COL4A2: variants seen among roughly 807,000 people sequenced by gnomAD.
The protein encoded by COL4A2 is collagen type IV alpha 2 chain.
Under a neutral mutation model 200.2 loss-of-function variants are expected in COL4A2, and 99 were observed. The ratio of observed to expected loss-of-function variants is 0.49; its 90% CI spans 0.42 to 0.58. The LOEUF is 0.58. COL4A2 is among the 20% of genes least tolerant of loss of function. The pLI, the probability that COL4A2 is intolerant of heterozygous loss-of-function variation, is 0.00. For missense variants in COL4A2, 1,950 were observed against 2,314.1 expected (o/e 0.84, Z 3.23); for synonymous variants, 897 against 900.6 (o/e 1.00, Z 0.07).
intron 4 of COL4A2, among the ~76,000 whole-genome samples, chr13:110,414,076 G>A (rs921685509): frequency 9.2e-5 from 14 of 152,240 alleles, no homozygotes; most frequent in Non-Finnish European, 8.8e-5. Context: ...TTGGGAGGCT[G>A]AGGCAGGAGG....
At chr13:110,320,087 C>T (rs1885238441) in intron 3 of COL4A2, among the ~76,000 whole-genome samples, 1 of 152,246 alleles carries the variant, frequency 6.6e-6, no homozygotes, top group African/African-American at 2.4e-5. Flanking sequence ...GAGTTTTCAG[C>T]TGTCTGCCTT....
intron 12 of COL4A2, among the ~76,000 whole-genome samples, chr13:110,435,817 A>T (rs538003193): frequency 8.5e-5 from 13 of 152,212 alleles, no homozygotes; most frequent in Admixed American, 7.9e-4. Context: ...ATAGTTACTT[A>T]AGATTTTTTT....
At chr13:110,355,255 TAA>T (rs141255100) in intron 3 of COL4A2, among the ~76,000 whole-genome samples, 11,852 of 151,810 alleles carry the variant, frequency 0.078, 654 homozygotes, top group Non-Finnish European at 0.12. Flanking sequence ...AAAGCTAGAT[TAA>T]GATTCACCTG....
At chr13:110,414,024 A>G (rs1227891126) in intron 4 of COL4A2, among the ~76,000 whole-genome samples, 3 of 151,452 alleles carry the variant, frequency 2.0e-5, no homozygotes, top group South Asian at 2.1e-4. Flanking sequence ...GAAAACATCA[A>G]CTCCTGACTG....
chr13:110,357,503 G>A lies in COL4A2; in HGVS notation c.131G>A (p.Gly44Glu), dbSNP rs1260883965. Reference protein sequence around the residue: ...GVKKFDVPCGGRDCSGGCQCY... With the variant: ...GVKKFDVPCGERDCSGGCQCY... ...AAGAAGTTTGATGTGCCGTGTGGAG[G>A]AAGAGATTGCAGTGGGGGCTGCCAG... The change falls in exon 4 of 48, where the codon GGA becomes GAA. Residue 44 changes from glycine (G) to glutamate (E), a missense_variant. Transcript: ENST00000360467. The A allele has an allele frequency of 3.8e-6, 6 of 1,595,154 alleles. No homozygotes were observed. The highest frequency in any genetic ancestry group is 1.7e-5 in the Admixed American group (1 of 58,648).
intron 34 of COL4A2, among the ~76,000 whole-genome samples, chr13:110,486,245 C>T (rs1883115412): frequency 1.3e-5 from 2 of 152,232 alleles, no homozygotes; most frequent in Admixed American, 1.3e-4. Context: ...CCACCGTTCA[C>T]TCAGCCTTTG....
Position 110,351,432 on chromosome 13 carries a change from C to T in COL4A2, c.100-6040C>T, listed in dbSNP as rs549101352. ...CTCTACCCTGCTCCTCCCTTGCCGG[C>T]GTGGGTTTTGTCCCTAAGAACTGGT... On this transcript the variant is annotated intron_variant, in intron 3 of 47. Transcript: ENST00000360467. 2.0e-4 allele frequency among the ~76,000 whole-genome samples: 31 copies of T among 152,286 alleles called. No individual in the cohort carries two copies. The South Asian group carries it at 6.0e-3, about 30-fold the overall frequency.
chr13:110,475,027 C>T (rs545683717), intron 29 of COL4A2, among the ~76,000 whole-genome samples: 4 of 151,758 alleles, frequency 2.6e-5, no homozygotes, highest in African/African-American at 9.7e-5. Flanking sequence ...CACACACGTA[C>T]ATACCCACTC....
At chr13:110,488,338 A>C (rs1883174770) in intron 34 of COL4A2, among the ~76,000 whole-genome samples, 1 of 152,166 alleles carries the variant, frequency 6.6e-6, no homozygotes. Context: ...CTATATTAAT[A>C]CTGCAGCGAC....
chr13:110,425,590 C>T (rs1880440355), intron 6 of COL4A2, among the ~76,000 whole-genome samples: 1 of 152,240 alleles, frequency 6.6e-6, no homozygotes, highest in Non-Finnish European at 1.5e-5. Context: ...GGGTTGGCTT[C>T]CTGGCCAGAC....
intron 3 of COL4A2, 55 bp downstream of exon 3, chr13:110,308,178 T>G: frequency 6.2e-7 from 1 of 1,602,096 alleles, no homozygotes; most frequent in Non-Finnish European, 8.5e-7. Context: ...TTGGGACGTT[T>G]GAGTGGCCTT....
intron 18 of COL4A2, among the ~76,000 whole-genome samples, chr13:110,448,888 G>A (rs190123651): frequency 6.6e-6 from 1 of 152,352 alleles, no homozygotes; most frequent in East Asian, 1.9e-4. Context: ...TGAGTTCCTT[G>A]CCCAGGGTTG....
Position 110,466,154 on chromosome 13 carries a change from TA to T in COL4A2, c.2038+93del, listed in dbSNP as rs1262294948. The T allele has an allele frequency of 2.1e-6, 3 of 1,437,336 alleles. No individual in the cohort carries two copies. The Admixed American group carries it at 6.0e-5, about 29-fold the overall frequency. The allele number at this position is 1,437,336 out of a possible 1,614,324, so 89.0% of individuals were successfully genotyped here. A position where few individuals can be genotyped will look rare whatever the true frequency, so the allele number is the denominator to read the frequency against. Reference sequence around the variant, plus strand: ...CTTGCAGTATGCGTGGGATAAGAAATATTAATAATATGTGCAAGCCACGTTT... The same window carrying T: ...CTTGCAGTATGCGTGGGATAAGAAATTTAATAATATGTGCAAGCCACGTTT... On this transcript the variant is annotated intron_variant, in intron 26 of 47. Coordinates refer to ENST00000360467, the MANE Select transcript of COL4A2 (RefSeq NM_001846.4).
At chr13:110,422,918 G>C (rs923377795) in intron 4 of COL4A2, among the ~76,000 whole-genome samples, 3 of 152,194 alleles carry the variant, frequency 2.0e-5, no homozygotes, top group Non-Finnish European at 4.4e-5. Flanking sequence ...CACTTCAACT[G>C]TGTGGATTGC....
chr13:110,399,001 GC>G (rs1321177983), intron 4 of COL4A2, among the ~76,000 whole-genome samples: 1 of 152,118 alleles, frequency 6.6e-6, no homozygotes, highest in African/African-American at 2.4e-5. Context: ...GTTGTAAGAA[GC>G]TTTTTTTATT....
intron 3 of COL4A2, among the ~76,000 whole-genome samples, chr13:110,344,789 C>G (rs1876624741): frequency 6.6e-6 from 1 of 152,188 alleles, no homozygotes; most frequent in South Asian, 2.1e-4. Context: ...TCCTTACACC[C>G]CCTTCTATGA....
Position 110,450,330 on chromosome 13 carries a change from G to T in COL4A2, c.1215G>T (p.Glu405Asp). 6.2e-7 allele frequency: 1 copy of T among 1,613,884 alleles called. No homozygotes were observed. The highest frequency in any genetic ancestry group is 8.5e-7 in the Non-Finnish European group (1 of 1,179,844). Reference protein sequence around the residue: ...DGDQRRGLPGEMGPKGFIGDP... With the variant: ...DGDQRRGLPGDMGPKGFIGDP... ...ATCAGAGGAGAGGCCTGCCGGGTGA[G>T]ATGGGACCCAAGGGCTTCATCGGAG... The change falls in exon 20 of 48, where the codon GAG becomes GAT. Residue 405 changes from glutamate (E) to aspartate (D), a missense_variant. Around this residue, in one of 2 missense-constraint regions of COL4A2, gnomAD observed 565 missense variants for 593.5 expected, o/e 0.95. Transcript: ENST00000360467.
intron 6 of COL4A2, 67 bp downstream of exon 6, chr13:110,425,064 TAAAG>T (rs1880421776): frequency 1.3e-5 from 21 of 1,590,898 alleles, no homozygotes; most frequent in Admixed American, 5.1e-5. Context: ...TTTTGTGACT[TAAAG>T]AAACATTTTG....
intron 16 of COL4A2, among the ~76,000 whole-genome samples, chr13:110,441,157 A>C (rs1881108739): frequency 6.6e-6 from 1 of 152,304 alleles, no homozygotes; most frequent in East Asian, 1.9e-4. Flanking sequence ...TATCAAAATC[A>C]CTAGCCTCAG....
Sources: gnomAD v4.1 joint callset for allele counts (sites outside exome capture counted in the v4.1 genomes callset) on GRCh38, gnomAD v4.1.1 for gene constraint, gnomAD v4.1.1 regional missense constraint, MANE v1.5 for transcripts, NCBI Gene and HGNC (gene_info 2026-07-23, HGNC 2026-07-21) for gene names.